The following HHLA2 variants were observed in gnomAD, a reference collection of about 807,000 sequenced individuals.
HHLA2 encodes the protein HERV-H LTR-associating protein 2.
A neutral mutation model predicts 45.9 loss-of-function variants in HHLA2; 48 were observed. That is an observed-to-expected ratio of 1.05 (90% CI 0.83 to 1.33). HHLA2 has a LOEUF of 1.33. HHLA2 is among the 40% of genes most tolerant of loss of function. The pLI, the probability that HHLA2 is intolerant of heterozygous loss-of-function variation, is 0.00. For synonymous variants in HHLA2, 161 were observed against 173.9 expected, an observed-to-expected ratio of 0.93 and a Z score of 0.59; for missense variants, 462 against 494.3, an observed-to-expected ratio of 0.93 and a Z score of 0.62.
intron 3 of HHLA2, among the ~76,000 whole-genome samples, chr3:108,336,454 G>C (rs890563629): frequency 1.3e-5 from 2 of 152,050 alleles, no homozygotes; most frequent in Non-Finnish European, 2.9e-5. Flanking sequence ...TCCTTCTTAG[G>C]GTGACCCATC....
chr3:108,313,545 G>T (rs1039715823), intron 2 of HHLA2, among the ~76,000 whole-genome samples: 3 of 152,142 alleles, frequency 2.0e-5, no homozygotes, highest in Non-Finnish European at 2.9e-5. Context: ...GGATTCCTGT[G>T]GTGCTCTCAA....
chr3:108,356,252 G>A (rs552491279), intron 6 of HHLA2, among the ~76,000 whole-genome samples: 44 of 151,898 alleles, frequency 2.9e-4, no homozygotes, highest in Non-Finnish European at 5.0e-4. Flanking sequence ...GGCTGGTCTC[G>A]AACTTCTGAC....
chr3:108,357,035 C>T (rs1233118370), intron 6 of HHLA2, among the ~76,000 whole-genome samples: 2 of 152,152 alleles, frequency 1.3e-5, no homozygotes, highest in African/African-American at 4.8e-5. Context: ...AGGCCAAAAA[C>T]AGATGAAAGA....
At chr3:108,376,674 A>G (rs1374546169) in intron 10 of HHLA2, 117 bp downstream of exon 9, 1 of 839,208 alleles carries the variant, frequency 1.2e-6, no homozygotes, top group Non-Finnish European at 1.9e-6. Context: ...ACAGAAAAAA[A>G]CAGCAGCAGG....
chr3:108,368,942 A>G (rs2082116118), intron 8 of HHLA2, among the ~76,000 whole-genome samples: 2 of 152,164 alleles, frequency 1.3e-5, no homozygotes, highest in African/African-American at 2.4e-5. Context: ...TCAGCACCAT[A>G]TAGCACTTAT....
chr3:108,307,476 A>G (rs1290419063), intron 1 of HHLA2, among the ~76,000 whole-genome samples: 1 of 152,068 alleles, frequency 6.6e-6, no homozygotes, highest in African/African-American at 2.4e-5. Context: ...TCTACTAAAA[A>G]TACAAAAATT....
chr3:108,333,088 A>G (rs1287718420), intron 3 of HHLA2, among the ~76,000 whole-genome samples: 1 of 152,214 alleles, frequency 6.6e-6, no homozygotes, highest in Non-Finnish European at 1.5e-5. Context: ...AGTGATGGCC[A>G]AACAGCTAGT....
chr3:108,309,383 C>A (rs772912579), intron 1 of HHLA2, among the ~76,000 whole-genome samples: 4 of 152,132 alleles, frequency 2.6e-5, no homozygotes, highest in Non-Finnish European at 5.9e-5. Flanking sequence ...TGTTTTTATG[C>A]AAGTACCACA....
chr3:108,326,093 G>A, intron 2 of HHLA2: 1 of 268,986 alleles, frequency 3.7e-6, no homozygotes, highest in South Asian at 4.7e-5. Flanking sequence ...TTATTTCTTA[G>A]GTGATGGTCT....
intron 3 of HHLA2, among the ~76,000 whole-genome samples, chr3:108,347,841 T>C (rs1289516373): frequency 6.6e-6 from 1 of 152,110 alleles, no homozygotes; most frequent in Admixed American, 6.6e-5. Context: ...AGAGTCAAGA[T>C]TGATTTCTAA....
chr3:108,340,908 T>TTTTCC lies in HHLA2; in HGVS notation c.-26-10878_-26-10877insTCCTT, dbSNP rs1306101839. Among the ~76,000 whole-genome samples the TTTTCC allele has an allele frequency of 3.1e-3, 184 of 59,452 alleles. 1 individual carries two copies. Among genetic ancestry groups the TTTTCC allele is most frequent in the Middle Eastern group, 9.4e-3 (1 of 106 alleles). 39.0% of individuals were successfully genotyped at this position (59,452 alleles called of 152,430 possible). ...CCAAACTCTTTTCTTTTTTTTTTTT[T>TTTTCC]TTCCTTCCTTCCTTCCTTCCTTCCT... On this transcript the variant is annotated intron_variant, in intron 3 of 10. Transcript: ENST00000619531.
intron 3 of HHLA2, among the ~76,000 whole-genome samples, chr3:108,330,057 C>T (rs942893905): frequency 6.6e-6 from 1 of 152,000 alleles, no homozygotes; most frequent in Non-Finnish European, 1.5e-5. Flanking sequence ...GGATTCAGTG[C>T]CTTGCCATAT....
chr3:108,309,127 G>A (rs1213322967), intron 1 of HHLA2, among the ~76,000 whole-genome samples: 1 of 152,066 alleles, frequency 6.6e-6, no homozygotes, highest in African/African-American at 2.4e-5. Flanking sequence ...TCTTGTAACC[G>A]TTTCATGGTT....
exon 5 of HHLA2, chr3:108,353,451 T>C (rs6779254): frequency 0.66 from 1,040,951 of 1,584,622 alleles, 348,323 homozygotes; most frequent in African/African-American, 0.77. Context: ...GCTTTCTTCA[T>C]TTATGTTCCT....
chr3:108,331,311 T>G (rs1230738391), intron 3 of HHLA2, among the ~76,000 whole-genome samples: 1 of 152,102 alleles, frequency 6.6e-6, no homozygotes, highest in Non-Finnish European at 1.5e-5. Flanking sequence ...TTTTTCAAAA[T>G]CAAAAAAAGT....
At chr3:108,355,367 G>T (rs745546279) in exon 6 of HHLA2, 1 of 1,612,752 alleles carries the variant, frequency 6.2e-7, no homozygotes, top group Non-Finnish European at 8.5e-7. Context: ...TGGACAGGGC[G>T]CTGGACGATG....
At chr3:108,363,286 G>A (rs1217012695) in intron 8 of HHLA2, among the ~76,000 whole-genome samples, 2 of 152,122 alleles carry the variant, frequency 1.3e-5, no homozygotes, top group African/African-American at 4.8e-5. Flanking sequence ...TGCCAAGTAG[G>A]CATGTGAAAC....
At chr3:108,378,192 A>G (rs1354211277) in exon 11 of HHLA2, 2 of 152,232 alleles carry the variant, frequency 1.3e-5, no homozygotes, top group Admixed American at 1.3e-4. Flanking sequence ...AACCTATAAG[A>G]ACTAATGATA....
exon 11 of HHLA2, chr3:108,378,216 CG>C (rs932159774): frequency 1.3e-5 from 2 of 152,120 alleles, no homozygotes; most frequent in Non-Finnish European, 2.9e-5. Context: ...CATCACCCTT[CG>C]CTGACTCTCT....
Sources: gnomAD v4.1 joint callset for allele counts (sites outside exome capture counted in the v4.1 genomes callset) on GRCh38, gnomAD v4.1.1 for gene constraint, MANE v1.5 for transcripts, NCBI Gene and HGNC (gene_info 2026-07-23, HGNC 2026-07-21) for gene names.